ADGRL2: variants seen among roughly 807,000 people sequenced by gnomAD.
ADGRL2 encodes the protein adhesion G protein-coupled receptor L2.
A neutral mutation model predicts 157.4 loss-of-function variants in ADGRL2; 44 were observed. The ratio of observed to expected loss-of-function variants is 0.28; its 90% CI spans 0.22 to 0.36. The LOEUF (loss-of-function observed/expected upper bound fraction) is 0.36. Among genes scored for constraint, ADGRL2 ranks in the 10% least tolerant of loss-of-function variants. The pLI, the probability that ADGRL2 is intolerant of heterozygous loss-of-function variation, is 1.00. For synonymous variants in ADGRL2, 585 were observed against 624.7 expected, an observed-to-expected ratio of 0.94 and a Z score of 0.95; for missense variants, 1,510 against 1,768.9, an observed-to-expected ratio of 0.85 and a Z score of 2.63.
intron 2 of ADGRL2, among the ~76,000 whole-genome samples, chr1:81,461,377 G>A (rs564453755): frequency 6.6e-6 from 1 of 151,900 alleles, no homozygotes; most frequent in East Asian, 1.9e-4. Context: ...CTTGGTCAAG[G>A]ATTTAGAAGA....
At chr1:81,336,151 A>G (rs1421026888) in intron 1 of ADGRL2, among the ~76,000 whole-genome samples, 4 of 152,154 alleles carry the variant, frequency 2.6e-5, no homozygotes, top group Admixed American at 6.5e-5. Context: ...ATTCTCCTCT[A>G]CTATGCCAGC....
At chr1:81,366,140 G>A (rs1354730870) in intron 1 of ADGRL2, among the ~76,000 whole-genome samples, 1 of 151,918 alleles carries the variant, frequency 6.6e-6, no homozygotes, top group Non-Finnish European at 1.5e-5. Flanking sequence ...TTAGAGAGTA[G>A]CTCTTTCAGT....
chr1:81,736,980 G>A (rs1050281959), intron 1 of ADGRL2, among the ~76,000 whole-genome samples: 3 of 152,000 alleles, frequency 2.0e-5, no homozygotes, highest in East Asian at 3.9e-4. Flanking sequence ...GACTACGGGT[G>A]CTCGCCACCA....
At chr1:81,972,054 G>C in intron 17 of ADGRL2, 136 bp downstream of exon 17, 1 of 442,512 alleles carries the variant, frequency 2.3e-6, no homozygotes, top group Non-Finnish European at 4.0e-6. Context: ...CAGGATAATA[G>C]TATATTTTAA....
At chr1:81,415,835 T>C (rs1327752804) in intron 1 of ADGRL2, among the ~76,000 whole-genome samples, 1 of 135,730 alleles carries the variant, frequency 7.4e-6, no homozygotes, top group African/African-American at 2.6e-5. Context: ...GAACAGTATC[T>C]CCTTTTCCTT....
At chr1:81,620,205 A>T (rs1002752312) in intron 3 of ADGRL2, among the ~76,000 whole-genome samples, 10 of 152,248 alleles carry the variant, frequency 6.6e-5, no homozygotes, top group Non-Finnish European at 1.2e-4. Context: ...AGTTGTAGGC[A>T]ATACATAGGC....
At chr1:81,443,023 A>T (rs539559352) in intron 1 of ADGRL2, among the ~76,000 whole-genome samples, 14 of 152,232 alleles carry the variant, frequency 9.2e-5, no homozygotes, top group Non-Finnish European at 1.9e-4. Flanking sequence ...TAAGAAATGC[A>T]TATTCTTTAC....
chr1:81,683,301 A>AT (rs1034662218), intron 3 of ADGRL2, among the ~76,000 whole-genome samples: 3 of 152,012 alleles, frequency 2.0e-5, no homozygotes, highest in Admixed American at 1.3e-4. Flanking sequence ...TTCAAATACT[A>AT]TTTTTTTTCC....
chr1:81,795,373 G>A (rs913009207), intron 2 of ADGRL2, among the ~76,000 whole-genome samples: 1 of 151,904 alleles, frequency 6.6e-6, no homozygotes, highest in South Asian at 2.1e-4. Context: ...GTGAGACACT[G>A]TCTCAAAATA....
intron 1 of ADGRL2, among the ~76,000 whole-genome samples, chr1:81,393,833 T>G (rs200273474): frequency 8.6e-6 from 1 of 116,684 alleles, no homozygotes; most frequent in African/African-American, 3.1e-5. Flanking sequence ...TTTTTTTTTT[T>G]GCTTTTTTTT....
chr1:81,882,313 C>T (rs2094009089), intron 2 of ADGRL2, among the ~76,000 whole-genome samples: 1 of 152,038 alleles, frequency 6.6e-6, no homozygotes, highest in African/African-American at 2.4e-5. Context: ...GCCAAATATA[C>T]TACTAATAAT....
chr1:81,770,549 C>T (rs1262849346), intron 2 of ADGRL2, among the ~76,000 whole-genome samples: 1 of 151,962 alleles, frequency 6.6e-6, no homozygotes, highest in African/African-American at 2.4e-5. Context: ...TCTTGGCTCA[C>T]TGCAACCTCC....
At position 81,734,931 on chromosome 1, in the gene ADGRL2, G is replaced by C. The variant is rs373340827; in HGVS notation, c.-142-26880G>C. Among the ~76,000 whole-genome samples, 1,327 of 143,662 alleles carry C rather than the reference G, an allele frequency of 9.2e-3. 45 individuals carry two copies. Among genetic ancestry groups the C allele is most frequent in the African/African-American group, 0.031 (1,248 of 39,942 alleles). 94.2% of individuals were successfully genotyped at this position (143,662 alleles called of 152,430 possible). A position where few individuals can be genotyped will look rare whatever the true frequency, so the allele number is the denominator to read the frequency against. ...GCCTGTAATCCCAGCTACTCGGAAG[G>C]CTGAGGCAGGAGAATCGCTTAAACC... is the stretch of plus-strand genomic sequence containing the variant. On this transcript the variant is annotated intron_variant, in intron 1 of 20. Transcript: ENST00000359929.
In ADGRL2 at chr1:81,481,151, A is replaced by G. The variant is rs548411296; in HGVS notation, c.-248+36062A>G. On this transcript the variant is annotated intron_variant, in intron 2 of 24. Transcript: ENST00000370721. ...AGTAACAATCCTTTTAAACATAATA[A>G]AAATAACCATAGATACTAGAAATTG... Among the ~76,000 whole-genome samples the G allele has an allele frequency of 1.2e-4, 19 of 152,332 alleles. No homozygotes were observed. In the South Asian group the frequency reaches 3.7e-3, roughly 30 times the overall value.
At chr1:81,557,429 G>A (rs200247923) in intron 2 of ADGRL2, 4 of 134,790 alleles carry the variant, frequency 3.0e-5, no homozygotes, top group African/African-American at 1.1e-4. Context: ...AAGAGAGAGA[G>A]AAAAAGAAAG....
At chr1:81,322,858 GT>G (rs1278004705) in intron 1 of ADGRL2, among the ~76,000 whole-genome samples, 12 of 152,006 alleles carry the variant, frequency 7.9e-5, no homozygotes, top group Non-Finnish European at 1.3e-4. Flanking sequence ...TTCTTTTGAT[GT>G]TTTTTGTTTG....
chr1:81,842,173 CT>C (rs1343498265), intron 2 of ADGRL2, among the ~76,000 whole-genome samples: 1 of 151,750 alleles, frequency 6.6e-6, no homozygotes, highest in Non-Finnish European at 1.5e-5. Flanking sequence ...CATGGTACAA[CT>C]TTTTCAAAAG....
intron 3 of ADGRL2, among the ~76,000 whole-genome samples, chr1:81,624,308 C>T (rs1354783380): frequency 4.6e-5 from 7 of 152,076 alleles, no homozygotes; most frequent in African/African-American, 1.4e-4. Context: ...TGGCCGGGTG[C>T]GGTGGCTCAC....
chr1:81,887,114 A>G (rs2094145016), intron 2 of ADGRL2, among the ~76,000 whole-genome samples: 1 of 152,222 alleles, frequency 6.6e-6, no homozygotes, highest in Admixed American at 6.5e-5. Context: ...CTGATACTAA[A>G]TACGATTTGA....
Sources: allele counts gnomAD v4.1 joint callset (sites outside exome capture counted in the v4.1 genomes callset), GRCh38; gene constraint gnomAD v4.1.1; transcripts MANE v1.5; gene names NCBI Gene and HGNC (gene_info 2026-07-23, HGNC 2026-07-21).